Variants in FAM135A observed in about 807,000 individuals in gnomAD.
FAM135A encodes protein FAM135A.
A neutral mutation model predicts 146.8 loss-of-function variants in FAM135A; 79 were observed. That is an observed-to-expected ratio of 0.54 (90% CI 0.45 to 0.65). The LOEUF (loss-of-function observed/expected upper bound fraction) is 0.65. Among genes scored for constraint, FAM135A ranks in the 30% least tolerant of loss-of-function variants. The pLI is 0.00. For synonymous variants in FAM135A, 562 were observed against 603.6 expected, an observed-to-expected ratio of 0.93 and a Z score of 1.01; for missense variants, 1,623 against 1,758.2, an observed-to-expected ratio of 0.92 and a Z score of 1.38.
In FAM135A at chr6:70,526,400, T is replaced by G. The variant is rs1794694437; in HGVS notation, c.3316T>G (p.Ser1106Ala). ...TGGGTACTATGAAGAAACAGATTAT[T>G]CAGCTTTGGATGGAACAATAAATGC... ...QNGYYEETDY[S>A]ALDGTINAHY... The change falls in exon 15 of 22, where the codon TCA becomes GCA. Residue 1106 changes from serine (S) to alanine (A), a missense_variant. Transcript: ENST00000418814. 1.9e-6 allele frequency: 3 copies of G among 1,613,568 alleles called. No homozygotes were observed.
At chr6:70,554,925 T>C (rs1185481382) in intron 20 of FAM135A, among the ~76,000 whole-genome samples, 1 of 152,082 alleles carries the variant, frequency 6.6e-6, no homozygotes, top group Non-Finnish European at 1.5e-5. Flanking sequence ...TACCCAGCCA[T>C]TAATTATATT....
rs1783797465 is a variant in FAM135A at position 70,482,010 on chromosome 6, TTCA to T, written c.684_686del (p.Ile229del). 1.9e-6 allele frequency: 3 copies of T among 1,612,794 alleles called. No individual in the cohort carries two copies. Among genetic ancestry groups the T allele is most frequent in the Admixed American group, 3.3e-5 (2 of 59,838 alleles). On this transcript the variant is annotated inframe_deletion, in exon 10 of 22. Transcript: ENST00000418814. ...TCTGTTTTTTGTTTAGGGTTGTAGC[TTCA>T]TCATTGCAGACTCCTTCCTACATCA...
chr6:70,483,115 A>G (rs912324973), intron 10 of FAM135A, among the ~76,000 whole-genome samples: 1 of 152,126 alleles, frequency 6.6e-6, no homozygotes, highest in Admixed American at 6.5e-5. Context: ...CTTGTGTCGG[A>G]TTACAGAGGA....
At chr6:70,476,118 T>C (rs1335405432) in intron 7 of FAM135A, among the ~76,000 whole-genome samples, 2 of 152,136 alleles carry the variant, frequency 1.3e-5, no homozygotes, top group Non-Finnish European at 2.9e-5. Context: ...ATTCTGAGAG[T>C]TATCAAGACT....
At chr6:70,461,106 A>G (rs888134036) in intron 5 of FAM135A, among the ~76,000 whole-genome samples, 1 of 152,094 alleles carries the variant, frequency 6.6e-6, no homozygotes, top group Non-Finnish European at 1.5e-5. Flanking sequence ...TACAGGTGTA[A>G]GCCACCGTGC....
intron 10 of FAM135A, among the ~76,000 whole-genome samples, chr6:70,482,425 A>G (rs919706336): frequency 2.6e-5 from 4 of 152,164 alleles, no homozygotes; most frequent in African/African-American, 9.7e-5. Flanking sequence ...CTCTTAAAAT[A>G]TAACCCAAAA....
intron 9 of FAM135A, 77 bp downstream of exon 9, chr6:70,481,104 A>T: frequency 7.7e-7 from 1 of 1,297,124 alleles, no homozygotes; most frequent in Non-Finnish European, 1.0e-6. Flanking sequence ...TGTGAATGTT[A>T]TATTTCTTTT....
chr6:70,439,378 G>C (rs985139541), intron 4 of FAM135A, among the ~76,000 whole-genome samples: 15 of 152,044 alleles, frequency 9.9e-5, no homozygotes, highest in Non-Finnish European at 2.2e-4. Context: ...TATCCTAGTA[G>C]CTTTTTGCTT....
chr6:70,534,365 G>T (rs1164466576), intron 18 of FAM135A, among the ~76,000 whole-genome samples: 2 of 133,924 alleles, frequency 1.5e-5, no homozygotes, highest in East Asian at 4.2e-4. Flanking sequence ...AGTCACCCAG[G>T]CTAGAGAGCA....
At chr6:70,424,328 C>T (rs1224377706) in intron 2 of FAM135A, among the ~76,000 whole-genome samples, 2 of 152,234 alleles carry the variant, frequency 1.3e-5, no homozygotes, top group African/African-American at 2.4e-5. Context: ...AAATACTATT[C>T]CGTCAGAAAC....
chr6:70,550,726 GAGTC>G lies in FAM135A; in HGVS notation c.4229-6021_4229-6018del, dbSNP rs200314683. Among the ~76,000 whole-genome samples, 445 of 152,344 alleles carry G rather than the reference GAGTC, an allele frequency of 2.9e-3. 3 individuals are homozygous for G. Among genetic ancestry groups the G allele is most frequent in the African/African-American group, 0.01 (416 of 41,574 alleles). ...CCAGCTGCATTAATCCGTAACAAGA[GAGTC>G]AGCTTGCCCTTTGAAGCTTTGAAGC... On this transcript the variant is annotated intron_variant, in intron 20 of 21. Transcript: ENST00000418814.
intron 5 of FAM135A, among the ~76,000 whole-genome samples, chr6:70,460,474 T>C (rs1779218383): frequency 6.6e-6 from 1 of 152,240 alleles, no homozygotes; most frequent in Non-Finnish European, 1.5e-5. Context: ...AAATCTTTTG[T>C]CCTTTGTCTA....
chr6:70,439,115 G>A lies in FAM135A; in HGVS notation c.77+10696G>A, dbSNP rs549855636. ...CTTGAGTCCAGGAGTTGAAGGCTGC[G>A]ATGAGCTGTGATTGCACCAGCCTAG... On this transcript the variant is annotated intron_variant, in intron 4 of 21. Transcript: ENST00000418814. Among the ~76,000 whole-genome samples the A allele has an allele frequency of 1.9e-4, 29 of 152,264 alleles. No homozygotes were observed. In the East Asian group the frequency reaches 4.8e-3, roughly 25 times the overall value.
chr6:70,497,022 GT>G lies in FAM135A; in HGVS notation c.874-5608del, dbSNP rs536459534. Among the ~76,000 whole-genome samples the G allele has an allele frequency of 2.8e-4, 43 of 152,224 alleles. 1 individual carries two copies. In the East Asian group the frequency reaches 7.5e-3, roughly 27 times the overall value. ...TTGGTTCCATATGAAATTTAAAGTA[GT>G]TTTTTCTAATTCTGTGAAGAAAGTC... On this transcript the variant is annotated intron_variant, in intron 11 of 21. Coordinates refer to ENST00000418814, the MANE Select transcript of FAM135A (RefSeq NM_001162529.3).
rs774094981 is a variant in FAM135A at position 70,525,729 on chromosome 6, G to A, written c.2645G>A (p.Cys882Tyr). 12 of 1,613,138 alleles carry A rather than the reference G, an allele frequency of 7.4e-6. No homozygotes were observed. Among genetic ancestry groups the A allele is most frequent in the Non-Finnish European group, 1.0e-5 (12 of 1,179,626 alleles). ...LNLGTTDLPK[C>Y]DDTKKSSITL... ...CTAGGAACGACTGATTTGCCAAAAT[G>A]TGATGATACTAAAAAGTCAAGTATC... Residue 882 changes from cysteine to tyrosine, a missense_variant, in exon 15 of 22, where the codon TGT becomes TAT. Cys to Tyr is a radical substitution (Grantham distance 194). Transcript: ENST00000418814.
intron 20 of FAM135A, among the ~76,000 whole-genome samples, chr6:70,546,542 A>G (rs1798900260): frequency 6.6e-6 from 1 of 152,142 alleles, no homozygotes; most frequent in Non-Finnish European, 1.5e-5. Flanking sequence ...GCTGTTCATT[A>G]TTTTAAAATG....
chr6:70,478,878 A>G (rs887434185), intron 8 of FAM135A, among the ~76,000 whole-genome samples: 2 of 151,822 alleles, frequency 1.3e-5, no homozygotes, highest in African/African-American at 4.9e-5. Flanking sequence ...TTTTTTTGGA[A>G]GATTTTCTGA....
Position 70,526,104 on chromosome 6 carries a change from A to T in FAM135A, c.3020A>T (p.Gln1007Leu), listed in dbSNP as rs1263423028. The part of the protein sequence containing the change: ...KKNSDVLNLT[Q>L]MYSEIPTVES... The stretch of plus-strand genomic sequence containing the variant: ...AATAGTGATGTATTAAATCTCACAC[A>T]GATGTATTCAGAAATCCCTACAGTT... Residue 1007 changes from glutamine to leucine, a missense_variant, in exon 15 of 22, where the codon CAG becomes CTG. Physicochemically the swap from Gln to Leu is moderately radical, Grantham distance 113. This residue lies in a region of FAM135A where 1,061 missense variants were observed against 1,113.8 expected (regional missense o/e 0.95). Transcript: ENST00000418814. 5.0e-6 allele frequency: 8 copies of T among 1,613,522 alleles called. No individual in the cohort carries two copies. The highest frequency in any genetic ancestry group is 5.9e-6 in the Non-Finnish European group (7 of 1,179,662).
intron 12 of FAM135A, among the ~76,000 whole-genome samples, chr6:70,508,525 T>C (rs1790299691): frequency 6.6e-6 from 1 of 152,196 alleles, no homozygotes; most frequent in Non-Finnish European, 1.5e-5. Flanking sequence ...ATAAGTCCAA[T>C]ATTAGGGAGA....
Sources: allele counts gnomAD v4.1 joint callset (sites outside exome capture counted in the v4.1 genomes callset), GRCh38; gene constraint gnomAD v4.1.1; regional missense constraint gnomAD v4.1.1; transcripts MANE v1.5; gene names NCBI Gene and HGNC (gene_info 2026-07-23, HGNC 2026-07-21).